TGM3: variants seen among roughly 807,000 people sequenced by gnomAD.
TGM3 encodes protein-glutamine gamma-glutamyltransferase E.
TGM3 carries 52 observed loss-of-function variants against 73.8 expected under a neutral mutation model. That is an observed-to-expected ratio of 0.70 (90% CI 0.56 to 0.89). The LOEUF (loss-of-function observed/expected upper bound fraction) is 0.89. Ranked by LOEUF, TGM3 falls within the 40% of genes least tolerant of loss-of-function variation. The pLI is 0.00. For missense variants in TGM3, 928 were observed against 909.9 expected (o/e 1.02, Z -0.26); for synonymous variants, 372 against 354.9 (o/e 1.05, Z -0.54).
chr20:2,296,107 A>G, intron 1 of TGM3, 37 bp downstream of exon 1: 2 of 1,549,672 alleles, frequency 1.3e-6, no homozygotes, highest in East Asian at 2.4e-5. Context: ...GGTCCTTGCC[A>G]GAAGCCTGTG....
Position 2,332,378 on chromosome 20 carries a change from G to A in TGM3, c.1642+68G>A. ...AGCCAATGGCCTTCTGGGGCTGCAGGGTGTCTGCTGGGCTCCAGGTTAGTC... is the reference window on the plus strand; with the variant it reads ...AGCCAATGGCCTTCTGGGGCTGCAGAGTGTCTGCTGGGCTCCAGGTTAGTC... On this transcript the variant is annotated intron_variant, in intron 10 of 12. Transcript: ENST00000381458. This position sits in a 1 kb window ranked among gnomAD's most constrained non-coding sequence, Gnocchi z 4.4. The A allele has an allele frequency of 9.1e-6, 13 of 1,436,240 alleles. No homozygotes were observed. Among genetic ancestry groups the A allele is most frequent in the Non-Finnish European group, 1.2e-5 (13 of 1,081,100 alleles). 89.0% of individuals were successfully genotyped at this position (1,436,240 alleles called of 1,614,324 possible). A position where few individuals can be genotyped will look rare whatever the true frequency, so the allele number is the denominator to read the frequency against.
Position 2,335,281 on chromosome 20 carries a change from G to C in TGM3, c.1800+8G>C, listed in dbSNP as rs771394705. 1 of 1,613,786 alleles carries C rather than the reference G, an allele frequency of 6.2e-7. No individual in the cohort carries two copies. The highest frequency in any genetic ancestry group is 1.7e-5 in the Admixed American group (1 of 60,006). ...CCCACCTTGACCCTGGAGGTAATGG[G>C]GCTCCCCATCCTGTGGGAAGGGGTT... is the stretch of plus-strand genomic sequence containing the variant. On this transcript the variant is annotated splice_region_variant and intron_variant, in intron 11 of 12. Transcript: ENST00000381458.
At chr20:2,309,918 C>A in intron 2 of TGM3, 88 bp downstream of exon 2, 3 of 1,543,914 alleles carry the variant, frequency 1.9e-6, no homozygotes, top group Non-Finnish European at 2.7e-6. Flanking sequence ...CACACTGGGG[C>A]CACTGGCATT....
rs76264412 is a variant in TGM3 at position 2,334,140 on chromosome 20, G to T, written c.1643-976G>T. Reference sequence around the variant, plus strand: ...AGGGTCAGAAGAGAGGACTTAAAGCGTGGGGAAGGAGCCGGATGCATGGAG... The same window carrying T: ...AGGGTCAGAAGAGAGGACTTAAAGCTTGGGGAAGGAGCCGGATGCATGGAG... On this transcript the variant is annotated intron_variant, in intron 10 of 12. Coordinates refer to ENST00000381458, the MANE Select transcript of TGM3 (RefSeq NM_003245.4). The surrounding 1 kb of genome is among the most constrained non-coding windows in gnomAD (Gnocchi z 4.0). Among the ~76,000 whole-genome samples the T allele has an allele frequency of 6.6e-6, 1 of 152,172 alleles. No individual in the cohort carries two copies. The highest frequency in any genetic ancestry group is 2.4e-5 in the African/African-American group (1 of 41,458).
In TGM3 at chr20:2,325,930, T is replaced by C. The variant is rs1380483526; in HGVS notation, c.1065T>C (p.Ala355=). 2 of 1,595,168 alleles carry C rather than the reference T, an allele frequency of 1.3e-6. No homozygotes were observed. Among genetic ancestry groups the C allele is most frequent in the East Asian group, 2.3e-5 (1 of 44,202 alleles). Reference sequence around the variant, plus strand: ...ACGGTGGATGGCAGGTGTTGGATGCTACCCCGCAGGAAAGAAGCCAAGGTA... The same window carrying C: ...ACGGTGGATGGCAGGTGTTGGATGCCACCCCGCAGGAAAGAAGCCAAGGTA... ...PSYGGWQVLD[A]TPQERSQGVF... is the part of the protein sequence containing the mutation. Residue 355 remains alanine (A), a synonymous_variant, in exon 8 of 13, where the codon GCT becomes GCC. Coordinates refer to ENST00000381458, the MANE Select transcript of TGM3 (RefSeq NM_003245.4).
chr20:2,309,463 T>C (rs2084191259), intron 1 of TGM3, among the ~76,000 whole-genome samples, 194 bp from the exon 2 acceptor site: 1 of 152,150 alleles, frequency 6.6e-6, no homozygotes, highest in Non-Finnish European at 1.5e-5. Context: ...TCTGGAAAGA[T>C]TGAGTGGGAA....
At chr20:2,320,428 G>A (rs952682864) in intron 7 of TGM3, among the ~76,000 whole-genome samples, 5 of 152,182 alleles carry the variant, frequency 3.3e-5, no homozygotes, top group Non-Finnish European at 7.4e-5. Context: ...GGCCCCGAGA[G>A]AAGTAACTTG....
rs776804371 is a variant in TGM3, at chr20:2,328,393, C to CG, written c.1333+29dup. The CG allele has an allele frequency of 1.2e-6, 2 of 1,612,480 alleles. No homozygotes were observed. Among genetic ancestry groups the CG allele is most frequent in the South Asian group, 2.2e-5 (2 of 90,936 alleles). ...AGGAGGGACGCTGGCGGGGCAGTGC[C>CG]GCGAGAGGTTCTATTGTGGGAGGAT... is the stretch of plus-strand genomic sequence containing the variant. On this transcript the variant is annotated intron_variant, in intron 9 of 12. Coordinates refer to ENST00000381458, the MANE Select transcript of TGM3 (RefSeq NM_003245.4). The surrounding 1 kb of genome is among the most constrained non-coding windows in gnomAD (Gnocchi z 5.2).
intron 7 of TGM3, among the ~76,000 whole-genome samples, chr20:2,319,538 T>G (rs1018176520): frequency 2.6e-5 from 4 of 152,106 alleles, no homozygotes; most frequent in African/African-American, 9.7e-5. Context: ...GGTCTCCTGG[T>G]TAGTGATTCA....
intron 1 of TGM3, among the ~76,000 whole-genome samples, chr20:2,297,076 T>C (rs993318032): frequency 3.9e-5 from 6 of 152,120 alleles, no homozygotes; most frequent in African/African-American, 1.2e-4. Context: ...GCTGGGATGC[T>C]AAGAAGAGGA....
chr20:2,302,196 T>C (rs2084152065), intron 1 of TGM3, among the ~76,000 whole-genome samples: 1 of 152,100 alleles, frequency 6.6e-6, no homozygotes, highest in South Asian at 2.1e-4. Context: ...GAACAGGAGA[T>C]GGGAGCCCCA....
intron 8 of TGM3, among the ~76,000 whole-genome samples, chr20:2,326,405 T>C (rs548498285): frequency 1.2e-4 from 18 of 152,370 alleles, no homozygotes; most frequent in African/African-American, 4.3e-4. Context: ...ATCCCGGGCC[T>C]CTGCTTCCTC....
At chr20:2,301,216 G>A (rs553260544) in intron 1 of TGM3, among the ~76,000 whole-genome samples, 1 of 151,774 alleles carries the variant, frequency 6.6e-6, no homozygotes, top group South Asian at 2.1e-4. Flanking sequence ...GTGCTGAGCA[G>A]GAAAGCACGT....
intron 3 of TGM3, 96 bp from the exon 4 acceptor site, chr20:2,310,914 AC>A: frequency 1.8e-6 from 2 of 1,082,612 alleles, no homozygotes; most frequent in Non-Finnish European, 2.8e-6. Flanking sequence ...GCTTGCTCCA[AC>A]CCCCAGGCCG....
At chr20:2,315,611 C>G (rs2084229275) in intron 5 of TGM3, among the ~76,000 whole-genome samples, 1 of 152,230 alleles carries the variant, frequency 6.6e-6, no homozygotes, top group Non-Finnish European at 1.5e-5. Flanking sequence ...GGGTAGGACA[C>G]ACAGGCTGGA....
intron 4 of TGM3, among the ~76,000 whole-genome samples, chr20:2,311,823 A>G (rs977507298): frequency 3.3e-5 from 5 of 151,116 alleles, no homozygotes; most frequent in South Asian, 2.1e-4. Context: ...AAGAGAGGCT[A>G]TTTTTTTTTA....
rs1192853525 is a variant in TGM3, at chr20:2,334,443, G to T, written c.1643-673G>T. 6.6e-6 allele frequency among the ~76,000 whole-genome samples: 1 copy of T among 152,184 alleles called. No individual in the cohort carries two copies. The highest frequency in any genetic ancestry group is 1.5e-5 in the Non-Finnish European group (1 of 68,038). ...CAAAGCTTTGTCTGGCTGGTGTGTG[G>T]ATGATTTAGAAGAACTAGAGACCAG... On this transcript the variant is annotated intron_variant, in intron 10 of 12. Coordinates refer to ENST00000381458, the MANE Select transcript of TGM3 (RefSeq NM_003245.4). The surrounding 1 kb of genome is among the most constrained non-coding windows in gnomAD (Gnocchi z 4.0).
intron 5 of TGM3, among the ~76,000 whole-genome samples, chr20:2,314,010 AC>A (rs943881791): frequency 1.8e-4 from 13 of 70,908 alleles, no homozygotes; most frequent in Admixed American, 1.4e-3. Flanking sequence ...TACAACAACA[AC>A]AAAAAAAAAT....
chr20:2,340,040 G>GGGGGGGGGGGGGGGC, intron 12 of TGM3, 53 bp downstream of exon 12: 1 of 944,838 alleles, frequency 1.1e-6, no homozygotes, highest in Non-Finnish European at 1.6e-6. Context: ...GGGCGGGGGG[G>GGGGGGGGGGGGGGGC]CCCTCCAGAT....
Sources: gnomAD v4.1 joint callset for allele counts (sites outside exome capture counted in the v4.1 genomes callset) on GRCh38, gnomAD v4.1.1 for gene constraint, Gnocchi (gnomAD v3.1) non-coding constraint, MANE v1.5 for transcripts, NCBI Gene and HGNC (gene_info 2026-07-23, HGNC 2026-07-21) for gene names.